The following DPYD variants were observed in gnomAD, a reference collection of about 807,000 sequenced individuals.
DPYD encodes the protein dihydropyrimidine dehydrogenase [NADP(+)].
Under a neutral mutation model 116.2 loss-of-function variants are expected in DPYD, and 109 were observed. The ratio of observed to expected loss-of-function variants is 0.94; its 90% CI spans 0.80 to 1.10. DPYD has a LOEUF of 1.10. Among genes scored for constraint, DPYD ranks in the 50% least tolerant of loss-of-function variants. The pLI is 0.00. For missense variants in DPYD, 1,302 were observed against 1,254.5 expected, an observed-to-expected ratio of 1.04 and a Z score of -0.57; for synonymous variants, 440 against 432.0, an observed-to-expected ratio of 1.02 and a Z score of -0.23.
chr1:97,498,402 C>A (rs1679390026), intron 13 of DPYD, among the ~76,000 whole-genome samples: 1 of 151,564 alleles, frequency 6.6e-6, no homozygotes, highest in Admixed American at 6.6e-5. Context: ...TTTTAAATTA[C>A]AGGGATAAAG....
At chr1:97,206,321 C>A (rs1352840944) in intron 19 of DPYD, among the ~76,000 whole-genome samples, 1 of 151,954 alleles carries the variant, frequency 6.6e-6, no homozygotes, top group East Asian at 1.9e-4. Flanking sequence ...ATGATTACAG[C>A]ATTTTGAAAT....
chr1:97,542,604 T>C (rs1650532754), intron 12 of DPYD, among the ~76,000 whole-genome samples: 1 of 152,190 alleles, frequency 6.6e-6, no homozygotes, highest in African/African-American at 2.4e-5. Flanking sequence ...ATGGAATCAG[T>C]CATTGTCTCT....
chr1:97,121,156 A>G lies in DPYD; in HGVS notation c.2623-22524T>C, dbSNP rs58001747. ...CTCCACACCACACTGCACTAGTGCC[A>G]TGGTGGAGATGCAGAGGGGTGGAGC... On this transcript the variant is annotated intron_variant, in intron 20 of 22. Coordinates refer to ENST00000370192, the MANE Select transcript of DPYD (RefSeq NM_000110.4). 8.2e-3 allele frequency among the ~76,000 whole-genome samples: 1,250 copies of G among 152,296 alleles called. 11 individuals are homozygous for G. Among genetic ancestry groups the G allele is most frequent in the African/African-American group, 0.028 (1,178 of 41,568 alleles).
intron 8 of DPYD, among the ~76,000 whole-genome samples, chr1:97,641,054 A>G (rs1657864861): frequency 6.6e-6 from 1 of 152,212 alleles, no homozygotes; most frequent in Admixed American, 6.5e-5. Context: ...GATGAAGGAT[A>G]TGACTACCTG....
intron 8 of DPYD, among the ~76,000 whole-genome samples, chr1:97,602,887 T>C (rs1371007655): frequency 6.6e-6 from 1 of 151,992 alleles, no homozygotes; most frequent in African/African-American, 2.4e-5. Context: ...TACTTTAATA[T>C]AAGCATTTGG....
At chr1:97,232,388 A>C (rs1390820507) in intron 19 of DPYD, among the ~76,000 whole-genome samples, 1 of 152,098 alleles carries the variant, frequency 6.6e-6, no homozygotes, top group Non-Finnish European at 1.5e-5. Context: ...GATTTCTTTG[A>C]AGCTGCCCTC....
intron 5 of DPYD, among the ~76,000 whole-genome samples, chr1:97,703,062 A>G (rs765302654): frequency 1.3e-5 from 2 of 152,000 alleles, no homozygotes; most frequent in Non-Finnish European, 2.9e-5. Flanking sequence ...GTTGTTCAAT[A>G]CATACTCATT....
At chr1:97,775,375 T>TC (rs1009654007) in intron 3 of DPYD, among the ~76,000 whole-genome samples, 10 of 151,996 alleles carry the variant, frequency 6.6e-5, no homozygotes, top group East Asian at 1.9e-4. Flanking sequence ...CACCTAAATT[T>TC]CCCCCCCTGC....
At position 97,752,068 on chromosome 1, in the gene DPYD, AT is replaced by A. The variant is rs199756349; in HGVS notation, c.234-11590del. On this transcript the variant is annotated intron_variant, in intron 3 of 22. Transcript: ENST00000370192. ...GCCACTGTGCCTGGCCTAAAAAAAG[AT>A]TTTTTTGTGTGTGTAGTTTTTTTCT... Among the ~76,000 whole-genome samples, 1,041 of 152,066 alleles carry A rather than the reference AT, an allele frequency of 6.8e-3. 16 individuals are homozygous for A. The highest frequency in any genetic ancestry group is 0.024 in the African/African-American group (1,002 of 41,482).
chr1:97,864,249 A>G (rs758992795), intron 2 of DPYD, among the ~76,000 whole-genome samples: 28 of 151,978 alleles, frequency 1.8e-4, no homozygotes, highest in Non-Finnish European at 3.1e-4. Flanking sequence ...AATTGAAAGA[A>G]AAAAGGACAA....
At position 97,599,864 on chromosome 1, in the gene DPYD, A is replaced by C. The variant is rs1274737958; in HGVS notation, c.851-4698T>G. On this transcript the variant is annotated intron_variant, in intron 8 of 22. Coordinates refer to ENST00000370192, the MANE Select transcript of DPYD (RefSeq NM_000110.4). ...CATGACAAAAACCCATCTCCACAAA[A>C]AAAAAAAAAAAAAAAAAAAAAAAAA... Among the ~76,000 whole-genome samples the C allele has an allele frequency of 9.9e-4, 20 of 20,214 alleles. 1 individual carries two copies. In the East Asian group the frequency reaches 0.032, roughly 33 times the overall value. 13.3% of individuals were successfully genotyped at this position (20,214 alleles called of 152,430 possible).
chr1:97,425,901 G>A (rs1284362840), intron 14 of DPYD, among the ~76,000 whole-genome samples: 1 of 150,596 alleles, frequency 6.6e-6, no homozygotes, highest in Admixed American at 6.6e-5. Context: ...AAAAAAGTCT[G>A]CATCTTAACT....
chr1:97,252,186 G>A (rs111726683), intron 18 of DPYD, among the ~76,000 whole-genome samples: 1 of 152,202 alleles, frequency 6.6e-6, no homozygotes, highest in African/African-American at 2.4e-5. Flanking sequence ...AATGTTTTCT[G>A]ATGAAATTTC....
chr1:97,169,769 G>A (rs1447600705), intron 20 of DPYD, among the ~76,000 whole-genome samples: 2 of 152,008 alleles, frequency 1.3e-5, no homozygotes, highest in Non-Finnish European at 2.9e-5. Flanking sequence ...CCTCCCTGTT[G>A]ATGACTGGTA....
intron 16 of DPYD, among the ~76,000 whole-genome samples, chr1:97,328,282 C>T (rs1668806273): frequency 6.6e-6 from 1 of 152,050 alleles, no homozygotes; most frequent in South Asian, 2.1e-4. Context: ...AGAAATAAAA[C>T]AGTAATGCTA....
In DPYD at chr1:97,285,345, C is replaced by CA. The variant is rs1170723496; in HGVS notation, c.2299+19913dup. On this transcript the variant is annotated intron_variant, in intron 18 of 22. Transcript: ENST00000370192. ...TAGGTTCTATCCTATGGCATCAGAA[C>CA]AAGAGCAATCCTGCTTGCCTTAAAG... 6.6e-5 allele frequency among the ~76,000 whole-genome samples: 10 copies of CA among 152,302 alleles called. 1 individual carries two copies. In the East Asian group the frequency reaches 1.9e-3, roughly 29 times the overall value.
chr1:97,785,343 TTCTA>T (rs1231928225), intron 3 of DPYD, among the ~76,000 whole-genome samples: 4 of 152,240 alleles, frequency 2.6e-5, no homozygotes, highest in Non-Finnish European at 4.4e-5. Flanking sequence ...CACAGATTTC[TTCTA>T]TCTGTGTGTT....
At chr1:97,327,928 T>C (rs572551921) in intron 16 of DPYD, among the ~76,000 whole-genome samples, 1 of 152,222 alleles carries the variant, frequency 6.6e-6, no homozygotes, top group East Asian at 1.9e-4. Context: ...TACATAACAA[T>C]AGGCATTTAG....
intron 10 of DPYD, among the ~76,000 whole-genome samples, chr1:97,585,516 T>C (rs1654030065): frequency 6.6e-6 from 1 of 152,116 alleles, no homozygotes; most frequent in Non-Finnish European, 1.5e-5. Context: ...AAATTCAGTA[T>C]AGTATGAAAA....
Sources: gnomAD v4.1 joint callset for allele counts (sites outside exome capture counted in the v4.1 genomes callset) on GRCh38, gnomAD v4.1.1 for gene constraint, MANE v1.5 for transcripts, NCBI Gene and HGNC (gene_info 2026-07-23, HGNC 2026-07-21) for gene names.